The following WIPF1 variants were observed in gnomAD, a reference collection of about 807,000 sequenced individuals.
WIPF1 encodes the protein WAS/WASL interacting protein family member 1.
In WIPF1, 13 loss-of-function variants were observed where a neutral mutation model predicts 35.4. The ratio of observed to expected loss-of-function variants is 0.37; its 90% CI spans 0.24 to 0.58. The LOEUF (loss-of-function observed/expected upper bound fraction) is 0.58. WIPF1 is among the 20% of genes least tolerant of loss of function. WIPF1 has a pLI of 0.74. For synonymous variants in WIPF1, 267 were observed against 266.3 expected (o/e 1.00, Z -0.02); for missense variants, 591 against 667.0 (o/e 0.89, Z 1.25).
At chr2:174,664,276 C>T (rs916461293) in intron 1 of WIPF1, among the ~76,000 whole-genome samples, 1 of 152,134 alleles carries the variant, frequency 6.6e-6, no homozygotes, top group African/African-American at 2.4e-5. Flanking sequence ...AGAAAGCCAG[C>T]GCAGGGAGTG....
intron 5 of WIPF1, 152 bp from the exon 6 acceptor site, chr2:174,568,225 C>T (rs996075152): frequency 5.3e-6 from 5 of 943,812 alleles, no homozygotes; most frequent in Non-Finnish European, 7.7e-6. Context: ...TGAGTAAACA[C>T]ACAGAAACAC....
chr2:174,640,138 T>C (rs1325383147), intron 1 of WIPF1, among the ~76,000 whole-genome samples: 2 of 152,156 alleles, frequency 1.3e-5, no homozygotes, highest in South Asian at 2.1e-4. Flanking sequence ...TATATGCTAA[T>C]AGTGAACTAT....
Position 174,562,308 on chromosome 2 carries a change from C to A in WIPF1, c.*239G>T. 1 of 1,497,610 alleles carries A rather than the reference C, an allele frequency of 6.7e-7. No individual in the cohort carries two copies. Among genetic ancestry groups the A allele is most frequent in the South Asian group, 1.3e-5 (1 of 74,920 alleles). 92.8% of individuals were successfully genotyped at this position (1,497,610 alleles called of 1,614,324 possible). A position where few individuals can be genotyped will look rare whatever the true frequency, so the allele number is the denominator to read the frequency against. On this transcript the variant is annotated 3_prime_UTR_variant, in exon 8 of 8. Transcript: ENST00000679041. The stretch of plus-strand genomic sequence containing the variant: ...TACGACAAAAGCCTATCGACCCCAG[C>A]AGCCAGCACAGGCAGGCTGCAGCTG...
intron 1 of WIPF1, among the ~76,000 whole-genome samples, chr2:174,659,923 G>A (rs1298665366): frequency 1.3e-5 from 2 of 152,106 alleles, no homozygotes; most frequent in Non-Finnish European, 2.9e-5. Context: ...GCCCAGGACA[G>A]TCCTCATTTA....
At chr2:174,573,891 C>CTTT (rs564081857) in intron 4 of WIPF1, among the ~76,000 whole-genome samples, 1 of 138,896 alleles carries the variant, frequency 7.2e-6, no homozygotes, top group Non-Finnish European at 1.6e-5. Flanking sequence ...CTTTCTTCTT[C>CTTT]TTTTTTTTTT....
At chr2:174,574,776 C>T (rs1468336685) in intron 4 of WIPF1, 1 of 670,532 alleles carries the variant, frequency 1.5e-6, no homozygotes, top group East Asian at 2.7e-5. Flanking sequence ...TAATCATATT[C>T]CACAAGATGT....
chr2:174,647,106 T>C (rs1687426965), intron 1 of WIPF1, among the ~76,000 whole-genome samples: 1 of 152,060 alleles, frequency 6.6e-6, no homozygotes, highest in South Asian at 2.1e-4. Context: ...AGTGAGAATA[T>C]TTGTGTCTGA....
chr2:174,575,456 G>C, intron 3 of WIPF1, 76 bp from the exon 4 acceptor site: 2 of 1,477,670 alleles, frequency 1.4e-6, no homozygotes, highest in Non-Finnish European at 1.8e-6. Context: ...CAGTACAACA[G>C]GGAGCTGGCC....
chr2:174,632,967 T>C (rs1054909234), intron 1 of WIPF1, among the ~76,000 whole-genome samples: 3 of 152,088 alleles, frequency 2.0e-5, no homozygotes, highest in Non-Finnish European at 4.4e-5. Flanking sequence ...ACAAGAGGCC[T>C]TCCTACTGCA....
At chr2:174,629,241 A>G (rs1686939207) in intron 1 of WIPF1, among the ~76,000 whole-genome samples, 1 of 152,242 alleles carries the variant, frequency 6.6e-6, no homozygotes, top group Non-Finnish European at 1.5e-5. Context: ...AAAAAAAAGT[A>G]AACTATTTAT....
At chr2:174,653,888 T>A (rs1687590075) in intron 1 of WIPF1, among the ~76,000 whole-genome samples, 3 of 151,912 alleles carry the variant, frequency 2.0e-5, no homozygotes, top group South Asian at 2.1e-4. Context: ...CATAAAACCA[T>A]CCATCAGCAA....
intron 7 of WIPF1, among the ~76,000 whole-genome samples, chr2:174,563,079 T>G (rs1432131619): frequency 6.6e-6 from 1 of 152,224 alleles, no homozygotes. Context: ...TTCCAAAATA[T>G]GACTACACTA....
chr2:174,596,476 C>T (rs1685826117), intron 1 of WIPF1, among the ~76,000 whole-genome samples: 1 of 152,192 alleles, frequency 6.6e-6, no homozygotes, highest in Non-Finnish European at 1.5e-5. Context: ...CTGTCCTGTC[C>T]TATTCTTTCC....
At chr2:174,602,815 T>G (rs963357886) in intron 1 of WIPF1, among the ~76,000 whole-genome samples, 1 of 152,224 alleles carries the variant, frequency 6.6e-6, no homozygotes, top group Non-Finnish European at 1.5e-5. Context: ...TGTATTCTGT[T>G]GTGTTTTGGC....
intron 1 of WIPF1, among the ~76,000 whole-genome samples, chr2:174,651,835 C>T (rs1687539507): frequency 6.6e-6 from 1 of 152,196 alleles, no homozygotes; most frequent in South Asian, 2.1e-4. Flanking sequence ...GTGGAGACAG[C>T]TATTCTCTGT....
chr2:174,578,303 C>T (rs1454096144), intron 3 of WIPF1, among the ~76,000 whole-genome samples: 1 of 152,176 alleles, frequency 6.6e-6, no homozygotes, highest in Non-Finnish European at 1.5e-5. Context: ...CAAGTTTTGA[C>T]ATTAGGATCA....
intron 1 of WIPF1, among the ~76,000 whole-genome samples, chr2:174,651,640 T>A (rs1213998513): frequency 6.6e-6 from 1 of 152,170 alleles, no homozygotes; most frequent in African/African-American, 2.4e-5. Flanking sequence ...ACAATCAAGA[T>A]CTTACAAACA....
At chr2:174,609,532 G>A (rs1249078291) in intron 1 of WIPF1, among the ~76,000 whole-genome samples, 3 of 152,276 alleles carry the variant, frequency 2.0e-5, no homozygotes, top group South Asian at 2.1e-4. Context: ...ACCTGACCAT[G>A]TACTTTTGTT....
chr2:174,600,649 T>A (rs935234859), upstream of WIPF1, among the ~76,000 whole-genome samples: 2 of 152,242 alleles, frequency 1.3e-5, no homozygotes, highest in East Asian at 3.8e-4. Context: ...CCATTTCTGC[T>A]GTTTTCTTTT....
Sources: allele counts gnomAD v4.1 joint callset (sites outside exome capture counted in the v4.1 genomes callset), GRCh38; gene constraint gnomAD v4.1.1; transcripts MANE v1.5; gene names NCBI Gene and HGNC (gene_info 2026-07-23, HGNC 2026-07-21).